Variants in KCNJ15 observed in about 807,000 individuals in gnomAD.
The protein encoded by KCNJ15 is ATP-sensitive inward rectifier potassium channel 15.
Under a neutral mutation model 23.0 loss-of-function variants are expected in KCNJ15, and 14 were observed. That is an observed-to-expected ratio of 0.61 (90% CI 0.40 to 0.95). The LOEUF (loss-of-function observed/expected upper bound fraction) is 0.95, where lower values mean the gene tolerates loss of function less well. KCNJ15 is among the 40% of genes least tolerant of loss of function. The probability of loss-of-function intolerance (pLI) is 0.00; values close to 1 mark genes in which losing one functional copy is unlikely to be tolerated. For synonymous variants in KCNJ15, 185 were observed against 183.2 expected (o/e 1.01, Z -0.08); for missense variants, 388 against 461.8 (o/e 0.84, Z 1.46).
intron 1 of KCNJ15, among the ~76,000 whole-genome samples, chr21:38,230,849 C>T (rs1761348264): frequency 6.6e-6 from 1 of 151,998 alleles, no homozygotes. Context: ...GTTTTGAAAT[C>T]AGTGTGAGAT....
upstream of KCNJ15, among the ~76,000 whole-genome samples, chr21:38,252,188 A>C (rs961034983): frequency 2.6e-5 from 4 of 152,256 alleles, no homozygotes; most frequent in East Asian, 1.9e-4. Flanking sequence ...GGCTCTTTTA[A>C]TCTTTACTTA....
rs1386223663 is a variant in KCNJ15 at position 38,300,926 on chromosome 21, A to G, written c.*537A>G. The G allele has an allele frequency of 6.0e-6, 1 of 167,204 alleles. No individual in the cohort carries two copies. Among genetic ancestry groups the G allele is most frequent in the Non-Finnish European group, 1.5e-5 (1 of 68,330 alleles). The allele number at this position is 167,204 out of a possible 1,614,324, so 10.4% of individuals were successfully genotyped here. On this transcript the variant is annotated 3_prime_UTR_variant, in exon 3 of 3. Coordinates refer to ENST00000398938, the MANE Select transcript of KCNJ15 (RefSeq NM_170736.3). Reference sequence around the variant, plus strand: ...GGTAGAGAGACTCTATGTTCACAAAATATAGTAATTTCATTTTTACCTTTC... The same window carrying G: ...GGTAGAGAGACTCTATGTTCACAAAGTATAGTAATTTCATTTTTACCTTTC...
intron 1 of KCNJ15, among the ~76,000 whole-genome samples, chr21:38,231,327 C>G (rs537657127): frequency 1.3e-5 from 2 of 151,916 alleles, no homozygotes; most frequent in African/African-American, 2.4e-5. Flanking sequence ...TTAATTTATT[C>G]TAATTATTAA....
At chr21:38,292,812 T>C (rs976542650) in intron 1 of KCNJ15, among the ~76,000 whole-genome samples, 1 of 151,810 alleles carries the variant, frequency 6.6e-6, no homozygotes, top group African/African-American at 2.4e-5. Context: ...CTACTAAAAA[T>C]ACAAAAATTA....
intron 1 of KCNJ15, among the ~76,000 whole-genome samples, chr21:38,294,632 G>A (rs1312624556): frequency 6.6e-6 from 1 of 152,036 alleles, no homozygotes; most frequent in Non-Finnish European, 1.5e-5. Flanking sequence ...TTTAAACATT[G>A]CCATCATCAA....
intron 1 of KCNJ15, among the ~76,000 whole-genome samples, chr21:38,292,126 A>C (rs2123709414): frequency 6.6e-6 from 1 of 152,328 alleles, no homozygotes; most frequent in Admixed American, 6.5e-5. Context: ...CAGCCGTGGG[A>C]GCAGACAGAG....
intron 1 of KCNJ15, among the ~76,000 whole-genome samples, chr21:38,241,499 C>G (rs1281567756): frequency 6.6e-6 from 1 of 152,178 alleles, no homozygotes; most frequent in Non-Finnish European, 1.5e-5. Context: ...TCATCTCGTG[C>G]AAATGAACTT....
rs1672634044 is a variant in KCNJ15 at position 38,299,550 on chromosome 21, C to A, written c.289C>A (p.Pro97Thr). ...AIAFIHGDLE[P>T]GEPISNHTPC... ...CGCGTTTATTCATGGGGACTTAGAA[C>A]CCGGTGAGCCCATTTCAAATCATAC... Residue 97 changes from proline to threonine, a missense_variant, in exon 3 of 3, where the codon CCC becomes ACC. By Grantham distance (38) the Pro-to-Thr change is conservative (BLOSUM62 -1). Transcript: ENST00000398938. The surrounding 1 kb of genome is among the most constrained non-coding windows in gnomAD (Gnocchi z 4.5). The A allele has an allele frequency of 3.1e-6, 5 of 1,613,972 alleles. No individual in the cohort carries two copies. In the South Asian group the frequency reaches 5.5e-5, roughly 18 times the overall value.
In KCNJ15 at chr21:38,236,372, T is replaced by G. The variant is rs1978601838; in HGVS notation, c.-398-20674T>G. Among the ~76,000 whole-genome samples, 3 of 152,368 alleles carry G rather than the reference T, an allele frequency of 2.0e-5. No individual in the cohort carries two copies. In the South Asian group the frequency reaches 6.2e-4, roughly 32 times the overall value. On this transcript the variant is annotated intron_variant, in intron 1 of 4. Coordinates refer to the KCNJ15 transcript ENST00000547341. Reference sequence around the variant, plus strand: ...CACCTGATGTCATTCTCTTAATGACTTTTTAGAGTATTACTGCACAAATAC... The same window carrying G: ...CACCTGATGTCATTCTCTTAATGACGTTTTAGAGTATTACTGCACAAATAC...
At chr21:38,248,218 G>C (rs1295785894) in intron 1 of KCNJ15, among the ~76,000 whole-genome samples, 1 of 152,126 alleles carries the variant, frequency 6.6e-6, no homozygotes, top group African/African-American at 2.4e-5. Context: ...AGAACAGAAG[G>C]GGTAACTGAG....
intron 1 of KCNJ15, among the ~76,000 whole-genome samples, chr21:38,266,928 G>A (rs1297611039): frequency 6.6e-6 from 1 of 152,196 alleles, no homozygotes; most frequent in Admixed American, 6.5e-5. Context: ...TTAAACATAG[G>A]CAATGAGAAG....
chr21:38,254,631 A>C (rs1324504968), upstream of KCNJ15, among the ~76,000 whole-genome samples: 2 of 152,228 alleles, frequency 1.3e-5, no homozygotes, highest in Non-Finnish European at 2.9e-5. Context: ...AGAATTTAAG[A>C]AAAATGTACG....
At chr21:38,288,310 G>A (rs1346769039) in intron 1 of KCNJ15, among the ~76,000 whole-genome samples, 1 of 151,740 alleles carries the variant, frequency 6.6e-6, no homozygotes, top group African/African-American at 2.4e-5. Flanking sequence ...CAAAGTGCTG[G>A]GATTACAGGC....
chr21:38,258,866 G>A (rs1419535701), intron 1 of KCNJ15, among the ~76,000 whole-genome samples: 1 of 152,086 alleles, frequency 6.6e-6, no homozygotes, highest in Non-Finnish European at 1.5e-5. Flanking sequence ...GAAAGAGAGC[G>A]AGACCCCAGG....
At chr21:38,291,026 G>GTA (rs1984558312) in intron 1 of KCNJ15, among the ~76,000 whole-genome samples, 1 of 72,434 alleles carries the variant, frequency 1.4e-5, no homozygotes, top group Middle Eastern at 5.0e-3. Flanking sequence ...ACACACACAC[G>GTA]TATATATAGC....
At chr21:38,268,499 G>A (rs1447966811) in intron 1 of KCNJ15, among the ~76,000 whole-genome samples, 1 of 118,572 alleles carries the variant, frequency 8.4e-6, no homozygotes, top group Non-Finnish European at 1.7e-5. Context: ...ACACAGTTTG[G>A]AAACATTTGG....
intron 1 of KCNJ15, among the ~76,000 whole-genome samples, chr21:38,284,788 C>T (rs114904634): frequency 0.016 from 2,498 of 152,278 alleles, 82 homozygotes; most frequent in African/African-American, 0.058. Flanking sequence ...TCAATATCCT[C>T]CTCGTTTCCT....
chr21:38,248,872 G>A (rs541929632), intron 1 of KCNJ15, among the ~76,000 whole-genome samples: 2 of 152,166 alleles, frequency 1.3e-5, no homozygotes, highest in South Asian at 2.1e-4. Context: ...CAGAACACAC[G>A]TGGTGCAGGA....
At chr21:38,277,590 G>A (rs1001589601) in intron 1 of KCNJ15, among the ~76,000 whole-genome samples, 21 of 151,902 alleles carry the variant, frequency 1.4e-4, no homozygotes, top group Admixed American at 1.3e-3. Flanking sequence ...GGTGATTCAC[G>A]GCATAAGAGT....
Sources: allele counts gnomAD v4.1 joint callset (sites outside exome capture counted in the v4.1 genomes callset), GRCh38; gene constraint gnomAD v4.1.1; non-coding constraint Gnocchi (gnomAD v3.1); transcripts MANE v1.5; gene names NCBI Gene and HGNC (gene_info 2026-07-23, HGNC 2026-07-21).